Variants in ANGPT2 observed in about 807,000 individuals in gnomAD.
ANGPT2 encodes the protein angiopoietin-2.
A neutral mutation model predicts 62.9 loss-of-function variants in ANGPT2; 28 were observed. That is an observed-to-expected ratio of 0.44 (90% CI 0.33 to 0.61). ANGPT2 has a LOEUF of 0.61. Ranked by LOEUF, ANGPT2 falls within the 20% of genes least tolerant of loss-of-function variation. ANGPT2 has a pLI of 0.03. For synonymous variants in ANGPT2, 284 were observed against 207.8 expected (o/e 1.37, Z -3.15); for missense variants, 727 against 594.9 (o/e 1.22, Z -2.31).
Position 6,499,831 on chromosome 8 carries a change from T to G in ANGPT2, c.*3270A>C. 1 of 1,610,126 alleles carries G rather than the reference T, an allele frequency of 6.2e-7. No individual in the cohort carries two copies. The highest frequency in any genetic ancestry group is 8.5e-7 in the Non-Finnish European group (1 of 1,177,672). The stretch of plus-strand genomic sequence containing the variant: ...AAGGCTAATAAATGTATAATAAATC[T>G]GCTTGTTGTGTCACTTGCAGGTGCT... On this transcript the variant is annotated 3_prime_UTR_variant, in exon 9 of 9. Transcript: ENST00000629816.
chr8:6,543,556 C>T (rs1436608963), intron 1 of ANGPT2, among the ~76,000 whole-genome samples: 12 of 152,196 alleles, frequency 7.9e-5, no homozygotes, highest in South Asian at 4.1e-4. Flanking sequence ...TAGGGAAAAG[C>T]GCTGTCGTAT....
rs1051796993 is a variant in ANGPT2 at position 6,521,699 on chromosome 8, T to G, written c.567-289A>C. Among the ~76,000 whole-genome samples, 20 of 152,174 alleles carry G rather than the reference T, an allele frequency of 1.3e-4. 1 individual carries two copies. The highest frequency in any genetic ancestry group is 1.2e-3 in the Admixed American group (19 of 15,272). On this transcript the variant is annotated intron_variant, in intron 3 of 8. Coordinates refer to ENST00000629816, the MANE Select transcript of ANGPT2 (RefSeq NM_001118887.2). ...CCAGGATAGGTGGGATATGGGTGTT[T>G]TTTGTATTAGATGCTGCAGCGCTCA...
chr8:6,501,643 C>T lies in ANGPT2; in HGVS notation c.*1458G>A, dbSNP rs533121596. 1.3e-5 allele frequency: 2 copies of T among 151,034 alleles called. No individual in the cohort carries two copies. The highest frequency in any genetic ancestry group is 6.6e-5 in the Admixed American group (1 of 15,144). The allele number at this position is 151,034 out of a possible 1,614,324, so 9.4% of individuals were successfully genotyped here. ...GATCTTGGCTCACTGCAACCTCTAC[C>T]TCCCTGGTGCAAGCAATTCTCCCTG... is the stretch of plus-strand genomic sequence containing the variant. On this transcript the variant is annotated 3_prime_UTR_variant, in exon 9 of 9. Transcript: ENST00000629816.
intron 5 of ANGPT2, 87 bp from the exon 6 acceptor site, chr8:6,514,865 T>G: frequency 2.6e-6 from 3 of 1,148,964 alleles, no homozygotes; most frequent in Admixed American, 3.6e-5. Flanking sequence ...AGACCCTGAG[T>G]GCAGGACTCA....
chr8:6,538,105 C>T lies in ANGPT2; in HGVS notation c.289-5618G>A, dbSNP rs540283515. 2.9e-4 allele frequency among the ~76,000 whole-genome samples: 44 copies of T among 152,224 alleles called. 1 individual carries two copies. Among genetic ancestry groups the T allele is most frequent in the African/African-American group, 1.1e-3 (44 of 41,550 alleles). On this transcript the variant is annotated intron_variant, in intron 1 of 8. Coordinates refer to ENST00000629816, the MANE Select transcript of ANGPT2 (RefSeq NM_001118887.2). ...TGCAACCATCTCTCACACACACATA[C>T]ACGTTTTTCTATCCCAATGATCCAT...
intron 1 of ANGPT2, among the ~76,000 whole-genome samples, chr8:6,550,661 G>T (rs1823483142): frequency 6.6e-6 from 1 of 152,194 alleles, no homozygotes; most frequent in Non-Finnish European, 1.5e-5. Flanking sequence ...AGGGGGTGTG[G>T]ATTTTATATT....
In ANGPT2 at chr8:6,527,640, A is replaced by G. The variant is rs369229056; in HGVS notation, c.481T>C (p.Leu161=). 1.9e-5 allele frequency: 30 copies of G among 1,613,902 alleles called. 1 individual carries two copies. In the African/African-American group the frequency reaches 2.3e-4, roughly 12 times the overall value. The change falls in exon 3 of 9, where the codon TTG becomes CTG. Residue 161 remains leucine, a synonymous_variant. Coordinates refer to ENST00000629816, the MANE Select transcript of ANGPT2 (RefSeq NM_001118887.2). ...TTGTTTGTCGAGAGGGAGTGTTCCA[A>G]GAGCTGAAGTTCAAGTCTCGTGGTC... ...NQTTRLELQL[L]EHSLSTNKLE...
intron 5 of ANGPT2, among the ~76,000 whole-genome samples, chr8:6,515,811 T>C (rs1383100962): frequency 1.3e-5 from 2 of 152,214 alleles, no homozygotes; most frequent in Admixed American, 6.5e-5. Flanking sequence ...TGGAGGCGAT[T>C]TGGCAGGGTA....
At chr8:6,536,275 A>G (rs1206635145) in intron 1 of ANGPT2, among the ~76,000 whole-genome samples, 4 of 152,116 alleles carry the variant, frequency 2.6e-5, no homozygotes, top group African/African-American at 9.7e-5. Context: ...CCTGTGCTGT[A>G]TGGGAATCGC....
chr8:6,527,941 G>A (rs1312582218), intron 2 of ANGPT2, among the ~76,000 whole-genome samples: 1 of 144,474 alleles, frequency 6.9e-6, no homozygotes, highest in Non-Finnish European at 1.5e-5. Context: ...CATTGCCCGG[G>A]GTGGAGTGCA....
chr8:6,536,972 G>GA (rs58686747), intron 1 of ANGPT2, among the ~76,000 whole-genome samples: 2,210 of 102,262 alleles, frequency 0.022, 30 homozygotes, highest in African/African-American at 0.039. Flanking sequence ...CTTAGTACAA[G>GA]AAAAAAAAAA....
intron 1 of ANGPT2, among the ~76,000 whole-genome samples, chr8:6,544,768 A>G (rs1227223924): frequency 1.3e-5 from 2 of 152,242 alleles, no homozygotes; most frequent in African/African-American, 2.4e-5. Context: ...ACACTTTGCC[A>G]TAAAAGAGCC....
intron 8 of ANGPT2, among the ~76,000 whole-genome samples, chr8:6,506,169 C>T (rs895784436): frequency 4.0e-5 from 6 of 151,602 alleles, no homozygotes; most frequent in Non-Finnish European, 7.4e-5. Flanking sequence ...CGGAAGTTTG[C>T]GTGTTCTATT....
chr8:6,527,774 A>G, intron 2 of ANGPT2, 98 bp from the exon 3 acceptor site: 1 of 1,144,208 alleles, frequency 8.7e-7, no homozygotes. Context: ...AGGAAAACAT[A>G]ACAAAAACAT....
At chr8:6,510,777 A>C (rs961981858) in intron 7 of ANGPT2, among the ~76,000 whole-genome samples, 1 of 152,214 alleles carries the variant, frequency 6.6e-6, no homozygotes, top group East Asian at 1.9e-4. Context: ...GGGTAGGGCC[A>C]TGTGATGTGG....
At chr8:6,524,750 A>G (rs1464662012) in intron 3 of ANGPT2, among the ~76,000 whole-genome samples, 1 of 152,248 alleles carries the variant, frequency 6.6e-6, no homozygotes, top group Non-Finnish European at 1.5e-5. Context: ...CCCTTGAGGA[A>G]AAACTACCCT....
At chr8:6,513,367 C>T (rs919020404) in intron 7 of ANGPT2, among the ~76,000 whole-genome samples, 1 of 142,854 alleles carries the variant, frequency 7.0e-6, no homozygotes, top group African/African-American at 2.6e-5. Flanking sequence ...GAGTCTTGCT[C>T]TGTCGCCCAG....
chr8:6,517,784 G>A (rs900308790), intron 5 of ANGPT2, among the ~76,000 whole-genome samples: 2 of 152,154 alleles, frequency 1.3e-5, no homozygotes, highest in Non-Finnish European at 2.9e-5. Flanking sequence ...AGCCACAAAT[G>A]GCAGAGCTAG....
At chr8:6,529,854 T>A (rs1220434925) in intron 2 of ANGPT2, among the ~76,000 whole-genome samples, 1 of 149,392 alleles carries the variant, frequency 6.7e-6, no homozygotes, top group Non-Finnish European at 1.5e-5. Flanking sequence ...TTATCCTGGA[T>A]AACATGATAT....
Sources: gnomAD v4.1 joint callset for allele counts (sites outside exome capture counted in the v4.1 genomes callset) on GRCh38, gnomAD v4.1.1 for gene constraint, MANE v1.5 for transcripts, NCBI Gene and HGNC (gene_info 2026-07-23, HGNC 2026-07-21) for gene names.